Variants in RIMS2 observed in about 807,000 individuals in gnomAD.
RIMS2 encodes the protein regulating synaptic membrane exocytosis 2.
A neutral mutation model predicts 174.4 loss-of-function variants in RIMS2; 59 were observed. The ratio of observed to expected loss-of-function variants is 0.34; its 90% confidence interval spans 0.27 to 0.42. The LOEUF (loss-of-function observed/expected upper bound fraction) is 0.42, where lower values mean the gene tolerates loss of function less well. Ranked by LOEUF, RIMS2 falls within the 10% of genes least tolerant of loss-of-function variation. The probability of loss-of-function intolerance (pLI) is 1.00; values close to 1 mark genes in which losing one functional copy is unlikely to be tolerated. For synonymous variants in RIMS2, 606 were observed against 572.5 expected (o/e 1.06, Z -0.84); for missense variants, 1,620 against 1,666.3 (o/e 0.97, Z 0.48).
intron 1 of RIMS2, among the ~76,000 whole-genome samples, chr8:103,583,429 C>A (rs189010432): frequency 6.6e-6 from 1 of 152,178 alleles, no homozygotes; most frequent in Admixed American, 6.5e-5. Flanking sequence ...CATGACCTCA[C>A]CAAGTGAACT....
chr8:103,549,433 C>T (rs1846616851), intron 1 of RIMS2, among the ~76,000 whole-genome samples: 1 of 152,078 alleles, frequency 6.6e-6, no homozygotes, highest in South Asian at 2.1e-4. Context: ...GAGATTTTGT[C>T]AACACCAGGC....
intron 15 of RIMS2, among the ~76,000 whole-genome samples, chr8:103,967,483 C>G (rs1022910143): frequency 4.0e-5 from 6 of 151,712 alleles, no homozygotes; most frequent in African/African-American, 1.5e-4. Flanking sequence ...CATGAACCAC[C>G]ATGCCCAGCC....
intron 19 of RIMS2, among the ~76,000 whole-genome samples, chr8:104,162,430 T>A (rs974165011): frequency 2.0e-5 from 3 of 152,214 alleles, no homozygotes; most frequent in African/African-American, 7.2e-5. Flanking sequence ...ATGAATTTGT[T>A]GTTTAATTTT....
At chr8:104,252,061 G>T, downstream of RIMS2, 1 of 533,488 alleles carries the variant, frequency 1.9e-6, no homozygotes, top group Non-Finnish European at 3.3e-6. Flanking sequence ...TGACACTCGA[G>T]TTCTGGTCCA....
intron 3 of RIMS2, among the ~76,000 whole-genome samples, chr8:103,834,337 T>TC (rs1412293105): frequency 6.5e-4 from 96 of 148,802 alleles, no homozygotes; most frequent in African/African-American, 2.0e-3. Context: ...TTTTTCTTTT[T>TC]TTTTTTTTTT....
At chr8:103,792,472 A>C (rs2098508546) in intron 3 of RIMS2, among the ~76,000 whole-genome samples, 1 of 152,200 alleles carries the variant, frequency 6.6e-6, no homozygotes, top group Non-Finnish European at 1.5e-5. Context: ...GAAAGCAGGA[A>C]AGATCTAAAA....
intron 16 of RIMS2, among the ~76,000 whole-genome samples, chr8:103,984,993 T>TTAAC (rs754285054): frequency 2.6e-4 from 39 of 152,012 alleles, no homozygotes; most frequent in Admixed American, 7.2e-4. Context: ...TCAAAACAAT[T>TTAAC]TAACATATGG....
At chr8:103,988,880 A>G (rs979061598) in intron 16 of RIMS2, among the ~76,000 whole-genome samples, 3 of 152,178 alleles carry the variant, frequency 2.0e-5, no homozygotes, top group African/African-American at 4.8e-5. Flanking sequence ...CTCATGTCCA[A>G]CCACCTATGA....
intron 1 of RIMS2, among the ~76,000 whole-genome samples, chr8:103,539,696 T>G (rs1841619502): frequency 6.6e-6 from 1 of 152,132 alleles, no homozygotes; most frequent in Non-Finnish European, 1.5e-5. Flanking sequence ...CAGCTGTATA[T>G]TCTTCTCCTG....
intron 3 of RIMS2, among the ~76,000 whole-genome samples, chr8:103,809,836 G>A (rs2098675543): frequency 6.6e-6 from 1 of 152,104 alleles, no homozygotes; most frequent in African/African-American, 2.4e-5. Flanking sequence ...CGCATTTATA[G>A]GAGGTCATTT....
rs2098677529 is a variant in RIMS2, at chr8:103,810,174, C to T, written c.698+43637C>T. Reference sequence around the variant, plus strand: ...TCAGTAGCTCTCCAAAGACTTCTGCCTATATGGGAATAGAAAAAAATGTTC... The same window carrying T: ...TCAGTAGCTCTCCAAAGACTTCTGCTTATATGGGAATAGAAAAAAATGTTC... On this transcript the variant is annotated intron_variant, in intron 3 of 23. Transcript: ENST00000504942. Among the ~76,000 whole-genome samples the T allele has an allele frequency of 2.6e-5, 4 of 152,092 alleles. No homozygotes were observed. In the South Asian group the frequency reaches 6.2e-4, roughly 24 times the overall value.
chr8:104,056,590 G>C (rs1213092303), intron 19 of RIMS2, among the ~76,000 whole-genome samples: 1 of 152,030 alleles, frequency 6.6e-6, no homozygotes, highest in East Asian at 1.9e-4. Flanking sequence ...TGTTTTTTAA[G>C]GTTTTCTTTA....
chr8:103,812,331 GTTTT>G (rs71575985), intron 3 of RIMS2, among the ~76,000 whole-genome samples: 11 of 111,612 alleles, frequency 9.9e-5, no homozygotes, highest in Admixed American at 2.3e-4. Context: ...TTATTACCTT[GTTTT>G]TTTTTTTTTT....
chr8:103,890,073 C>T (rs753421925), intron 4 of RIMS2, among the ~76,000 whole-genome samples: 1 of 151,970 alleles, frequency 6.6e-6, no homozygotes, highest in Non-Finnish European at 1.5e-5. Context: ...TGTGTATACA[C>T]AATACTCATC....
chr8:103,734,620 G>A (rs890864772), intron 2 of RIMS2, among the ~76,000 whole-genome samples: 23 of 151,666 alleles, frequency 1.5e-4, no homozygotes, highest in African/African-American at 4.8e-4. Flanking sequence ...CGCTGCCTTG[G>A]CAACAGGTAC....
chr8:103,662,986 T>C (rs2096622610), intron 1 of RIMS2, among the ~76,000 whole-genome samples: 1 of 152,030 alleles, frequency 6.6e-6, no homozygotes, highest in Non-Finnish European at 1.5e-5. Context: ...CTGGCTAACA[T>C]GGTGAAACCC....
At chr8:103,987,584 T>A (rs1009545526) in intron 16 of RIMS2, among the ~76,000 whole-genome samples, 1 of 151,822 alleles carries the variant, frequency 6.6e-6, no homozygotes, top group African/African-American at 2.4e-5. Context: ...AAGAGATGGA[T>A]GTTCATTAAT....
chr8:103,928,168 G>A (rs2079151325), intron 11 of RIMS2, among the ~76,000 whole-genome samples: 1 of 151,446 alleles, frequency 6.6e-6, no homozygotes, highest in East Asian at 1.9e-4. Flanking sequence ...ATTTAATGTA[G>A]ATTCTACATA....
Position 103,910,037 on chromosome 8 carries a change from C to T in RIMS2, c.1625-97C>T, listed in dbSNP as rs185386144. On this transcript the variant is annotated intron_variant, in intron 4 of 23. Transcript: ENST00000504942. ...AGTGCTACAGACAAAGTTCTTGAGA[C>T]CAGACAGGATCACACAGTTTAAAAT... 1.3e-4 allele frequency: 88 copies of T among 683,132 alleles called. No homozygotes were observed. In the East Asian group the frequency reaches 2.2e-3, roughly 17 times the overall value. The allele number at this position is 683,132 out of a possible 1,614,324, so 42.3% of individuals were successfully genotyped here.
Sources: gnomAD v4.1 joint callset for allele counts (sites outside exome capture counted in the v4.1 genomes callset) on GRCh38, gnomAD v4.1.1 for gene constraint, MANE v1.5 for transcripts, NCBI Gene and HGNC (gene_info 2026-07-23, HGNC 2026-07-21) for gene names.